The following KIAA1549L variants were observed in gnomAD, a reference collection of about 807,000 sequenced individuals.
KIAA1549L encodes UPF0606 protein KIAA1549L.
Under a neutral mutation model 160.7 loss-of-function variants are expected in KIAA1549L, and 88 were observed. The observed-to-expected ratio is 0.55, with a 90% confidence interval of 0.46 to 0.65. KIAA1549L has a LOEUF of 0.65. Ranked by LOEUF, KIAA1549L falls within the 30% of genes least tolerant of loss-of-function variation. KIAA1549L has a pLI of 0.00. For synonymous variants in KIAA1549L, 950 were observed against 976.7 expected, an observed-to-expected ratio of 0.97 and a Z score of 0.51; for missense variants, 2,258 against 2,437.5, an observed-to-expected ratio of 0.93 and a Z score of 1.55.
intron 1 of KIAA1549L, among the ~76,000 whole-genome samples, chr11:33,466,302 G>T (rs1852056531): frequency 6.6e-6 from 1 of 152,160 alleles, no homozygotes; most frequent in African/African-American, 2.4e-5. Flanking sequence ...CAAAAAGTGG[G>T]CAAAGGATAT....
intron 1 of KIAA1549L, among the ~76,000 whole-genome samples, chr11:33,508,356 C>T (rs998937144): frequency 6.6e-6 from 1 of 152,214 alleles, no homozygotes; most frequent in Non-Finnish European, 1.5e-5. Flanking sequence ...GCACTGGCCT[C>T]TTCTCTTTCC....
At chr11:33,504,061 A>G (rs1168563436) in intron 1 of KIAA1549L, among the ~76,000 whole-genome samples, 1 of 152,190 alleles carries the variant, frequency 6.6e-6, no homozygotes, top group Non-Finnish European at 1.5e-5. Context: ...GGAGTTTGAG[A>G]CCAGCCTGGC....
At chr11:33,383,705 C>A (rs187870322) in intron 1 of KIAA1549L, among the ~76,000 whole-genome samples, 2 of 152,288 alleles carry the variant, frequency 1.3e-5, no homozygotes, top group Admixed American at 1.3e-4. Flanking sequence ...GGGTAAAGTA[C>A]TTCCATGAAT....
chr11:33,643,806 G>T (rs1851649804), intron 16 of KIAA1549L, among the ~76,000 whole-genome samples: 1 of 152,196 alleles, frequency 6.6e-6, no homozygotes, highest in Non-Finnish European at 1.5e-5. Context: ...ATTCAGTTCT[G>T]AATGTTCTAT....
chr11:33,412,607 G>A (rs985282914), intron 1 of KIAA1549L, among the ~76,000 whole-genome samples: 1 of 152,186 alleles, frequency 6.6e-6, no homozygotes, highest in East Asian at 1.9e-4. Flanking sequence ...TTAACCAGCT[G>A]GCTGCATTAA....
chr11:33,664,008 A>G (rs1295563471), intron 20 of KIAA1549L, among the ~76,000 whole-genome samples: 1 of 152,192 alleles, frequency 6.6e-6, no homozygotes, highest in Admixed American at 6.5e-5. Context: ...GGTGAGCCCA[A>G]TAACCTGTAC....
At chr11:33,614,828 G>T (rs1337711815) in intron 15 of KIAA1549L, among the ~76,000 whole-genome samples, 14 of 150,842 alleles carry the variant, frequency 9.3e-5, no homozygotes, top group Admixed American at 6.6e-4. Context: ...GGGCAGGATG[G>T]TCTCAATCTC....
chr11:33,610,101 C>G (rs1339425589), intron 15 of KIAA1549L, 135 bp downstream of exon 15: 7 of 660,624 alleles, frequency 1.1e-5, no homozygotes, highest in African/African-American at 1.8e-5. Context: ...TTGTACCACG[C>G]TGGTCTGTGC....
intron 1 of KIAA1549L, among the ~76,000 whole-genome samples, chr11:33,533,238 T>C (rs1289484717): frequency 1.3e-5 from 2 of 152,148 alleles, no homozygotes; most frequent in Non-Finnish European, 2.9e-5. Context: ...CTGAGTCTTG[T>C]GTACAAGAAC....
At chr11:33,604,520 C>A (rs918935382) in intron 13 of KIAA1549L, among the ~76,000 whole-genome samples, 3 of 152,168 alleles carry the variant, frequency 2.0e-5, no homozygotes, top group African/African-American at 7.2e-5. Context: ...GTGTTTATAG[C>A]AGCACAATTC....
At chr11:33,593,276 T>C (rs546911327) in intron 12 of KIAA1549L, among the ~76,000 whole-genome samples, 180 of 152,100 alleles carry the variant, frequency 1.2e-3, no homozygotes, top group Non-Finnish European at 1.1e-3. Flanking sequence ...CAAAATAAAA[T>C]TATATAAAAA....
At position 33,645,740 on chromosome 11, in the gene KIAA1549L, G is replaced by T. The variant is rs776578701; in HGVS notation, c.5464G>T (p.Gly1822Cys). Residue 1822 changes from glycine to cysteine, a missense_variant, in exon 17 of 21, where the codon GGC becomes TGC. By Grantham distance (159) the Gly-to-Cys change is radical. Around this residue, in one of 6 missense-constraint regions of KIAA1549L, gnomAD observed 1,359 missense variants for 1,546.6 expected, o/e 0.88. Coordinates refer to ENST00000658780, the MANE Select transcript of KIAA1549L (RefSeq NM_012194.3). ...TNIDRVPEPR[G>C]YSRSRQVKGH... ...CATTGACAGAGTTCCTGAGCCCCGG[G>T]GCTATTCCAGGTCTCGACAGGTGAA... 6.2e-7 allele frequency: 1 copy of T among 1,613,948 alleles called. No homozygotes were observed. Among genetic ancestry groups the T allele is most frequent in the Middle Eastern group, 1.6e-4 (1 of 6,062 alleles).
At chr11:33,586,542 T>C (rs530992754) in intron 11 of KIAA1549L, among the ~76,000 whole-genome samples, 1 of 152,302 alleles carries the variant, frequency 6.6e-6, no homozygotes, top group East Asian at 1.9e-4. Flanking sequence ...GTTTTTCCCT[T>C]CATAGAATTG....
At chr11:33,441,952 T>C (rs2132948104) in intron 1 of KIAA1549L, among the ~76,000 whole-genome samples, 1 of 152,308 alleles carries the variant, frequency 6.6e-6, no homozygotes, top group South Asian at 2.1e-4. Flanking sequence ...ATTTTGGCTT[T>C]TGTTGCCATT....
At chr11:33,453,365 G>C (rs1851759883) in intron 1 of KIAA1549L, among the ~76,000 whole-genome samples, 1 of 152,176 alleles carries the variant, frequency 6.6e-6, no homozygotes, top group Admixed American at 6.5e-5. Context: ...AAGTAAGACT[G>C]GGGTGGGGGA....
intron 16 of KIAA1549L, among the ~76,000 whole-genome samples, chr11:33,630,913 C>T (rs567163458): frequency 1.3e-5 from 2 of 152,296 alleles, no homozygotes; most frequent in Admixed American, 6.5e-5. Context: ...TGTATCAACC[C>T]GTGTGAGGCT....
At chr11:33,595,765 C>G (rs1850182676) in intron 12 of KIAA1549L, among the ~76,000 whole-genome samples, 1 of 152,194 alleles carries the variant, frequency 6.6e-6, no homozygotes. Context: ...AGACTGCCTT[C>G]CCTCTCAGAA....
At position 33,574,696 on chromosome 11, in the gene KIAA1549L, C is replaced by T. The variant is rs146402761; in HGVS notation, c.4231-6C>T. Reference sequence around the variant, plus strand: ...TGCAAACACTCGGCCTCTCTTTTTCCGAAAGATGGTGAAGATGCAGCGTGT... The same window carrying T: ...TGCAAACACTCGGCCTCTCTTTTTCTGAAAGATGGTGAAGATGCAGCGTGT... On this transcript the variant is annotated splice_region_variant and splice_polypyrimidine_tract_variant and intron_variant, in intron 9 of 20. Coordinates refer to ENST00000658780, the MANE Select transcript of KIAA1549L (RefSeq NM_012194.3). 3.5e-4 allele frequency: 569 copies of T among 1,603,454 alleles called. No individual in the cohort carries two copies. The highest frequency in any genetic ancestry group is 4.6e-4 in the Non-Finnish European group (536 of 1,173,232).
intron 12 of KIAA1549L, among the ~76,000 whole-genome samples, chr11:33,596,697 C>T (rs1454739507): frequency 1.3e-5 from 2 of 152,212 alleles, no homozygotes; most frequent in Non-Finnish European, 2.9e-5. Flanking sequence ...CGAGATTGCA[C>T]CACTGCACTC....
Sources: allele counts gnomAD v4.1 joint callset (sites outside exome capture counted in the v4.1 genomes callset), GRCh38; gene constraint gnomAD v4.1.1; regional missense constraint gnomAD v4.1.1; transcripts MANE v1.5; gene names NCBI Gene and HGNC (gene_info 2026-07-23, HGNC 2026-07-21).